The following FER1L5 variants were observed in gnomAD, a reference collection of about 807,000 sequenced individuals.
FER1L5 encodes the protein fer-1-like protein 5.
FER1L5 carries 187 observed loss-of-function variants against 279.9 expected under a neutral mutation model. The observed-to-expected ratio is 0.67, with a 90% CI of 0.59 to 0.75. The LOEUF (loss-of-function observed/expected upper bound fraction) is 0.75. FER1L5 is among the 30% of genes least tolerant of loss of function. The pLI is 0.00. For missense variants in FER1L5, 2,091 were observed against 2,594.4 expected (o/e 0.81, Z 4.21); for synonymous variants, 921 against 989.7 (o/e 0.93, Z 1.30).
chr2:96,693,627 A>G lies in FER1L5; in HGVS notation c.3414A>G (p.Pro1138=), dbSNP rs61750875. 0.089 allele frequency: 137,816 copies of G among 1,551,502 alleles called. 11,556 individuals are homozygous for G. The highest frequency in any genetic ancestry group is 0.44 in the African/African-American group (32,205 of 73,074). Residue 1138 remains proline, a synonymous_variant, in exon 32 of 53, where the codon CCA becomes CCG. Transcript: ENST00000624922. ...IFQHLLLYEN[P]QDTKESPPLV... is the part of the protein sequence containing the mutation. ...AGCACCTCCTTCTGTACGAGAACCC[A>G]CAGGACACCAAAGAGAGCCCACCGC... is the stretch of plus-strand genomic sequence containing the variant.
At chr2:96,653,733 G>A (rs2075478979) in intron 8 of FER1L5, 31 bp downstream of exon 8, 2 of 1,529,826 alleles carry the variant, frequency 1.3e-6, no homozygotes, top group East Asian at 4.9e-5. Flanking sequence ...CCAGCAAGGT[G>A]GGTTTCTTGT....
intron 9 of FER1L5, among the ~76,000 whole-genome samples, chr2:96,659,295 T>TTCCTTCCC (rs2075739428): frequency 4.6e-5 from 1 of 21,974 alleles, no homozygotes. Context: ...CAAGCTTTCC[T>TTCCTTCCC]TCCTTCCTTC....
chr2:96,690,347 G>A, intron 26 of FER1L5, 140 bp from the exon 27 acceptor site: 5 of 691,308 alleles, frequency 7.2e-6, no homozygotes, highest in Middle Eastern at 3.9e-4. Flanking sequence ...GGTGGTATGA[G>A]GTGTGGCAAG....
At position 96,689,878 on chromosome 2, in the gene FER1L5, G is replaced by T; in HGVS notation, c.2640+120G>T. ...GCCCTATGCCCTGCACTATGTGTGG[G>T]GCCCCGGGTGAGCGCACCAGCCCTC... is the stretch of plus-strand genomic sequence containing the variant. On this transcript the variant is annotated intron_variant, in intron 26 of 52. Transcript: ENST00000624922. This position sits in a 1 kb window ranked among gnomAD's most constrained non-coding sequence, Gnocchi z 4.6. 1 of 813,318 alleles carries T rather than the reference G, an allele frequency of 1.2e-6. No individual in the cohort carries two copies. 50.4% of individuals were successfully genotyped at this position (813,318 alleles called of 1,614,324 possible).
rs1179144381 is a variant in FER1L5, at chr2:96,646,404, T to C, written c.89T>C (p.Ile30Thr). 3 of 1,551,642 alleles carry C rather than the reference T, an allele frequency of 1.9e-6. No homozygotes were observed. The highest frequency in any genetic ancestry group is 2.6e-6 in the Non-Finnish European group (3 of 1,146,930). Residue 30 changes from isoleucine to threonine, a missense_variant, in exon 2 of 53, where the codon ATC (isoleucine) becomes ACC (threonine). Ile to Thr is a moderately conservative substitution (Grantham distance 89). Transcript: ENST00000624922. Reference protein sequence around the residue: ...RPCMSIDFRDIKKRTRVVEGN... With the variant: ...RPCMSIDFRDTKKRTRVVEGN... The stretch of plus-strand genomic sequence containing the variant: ...CAGCCTCTTGGTTTCTTTGCAGATA[T>C]CAAGAAAAGAACTCGTGTGGTGGAA...
In FER1L5 at chr2:96,695,248, G is replaced by A. The variant is rs1438892926; in HGVS notation, c.3742-261G>A. On this transcript the variant is annotated intron_variant, in intron 34 of 52. Coordinates refer to ENST00000624922, the MANE Select transcript of FER1L5 (RefSeq NM_001293083.2). ...CCTGCGGGCTATGGAGGTCAGTGGA[G>A]GATGCAGCCAGTGGCCAGAGGTCAC... The A allele has an allele frequency of 1.1e-5, 5 of 468,042 alleles. 1 individual carries two copies. The highest frequency in any genetic ancestry group is 1.5e-5 in the Non-Finnish European group (4 of 267,114). 29.0% of individuals were successfully genotyped at this position (468,042 alleles called of 1,614,324 possible).
intron 24 of FER1L5, among the ~76,000 whole-genome samples, chr2:96,688,373 C>T (rs1553459809): frequency 6.6e-6 from 1 of 152,204 alleles, no homozygotes; most frequent in Non-Finnish European, 1.5e-5. Context: ...GGGACCCCTG[C>T]AGGCCCCAGT....
At chr2:96,688,399 G>A (rs2077015286) in intron 24 of FER1L5, among the ~76,000 whole-genome samples, 1 of 152,172 alleles carries the variant, frequency 6.6e-6, no homozygotes, top group Non-Finnish European at 1.5e-5. Context: ...CCCAGGAGGT[G>A]AAGGCCTAGA....
intron 19 of FER1L5, among the ~76,000 whole-genome samples, chr2:96,680,818 G>A (rs867572182): frequency 2.0e-5 from 3 of 152,022 alleles, no homozygotes; most frequent in Non-Finnish European, 4.4e-5. Context: ...AGGCCCCTGT[G>A]CCCACCCCAC....
chr2:96,656,099 G>A (rs1359082633), intron 9 of FER1L5, among the ~76,000 whole-genome samples: 3 of 152,210 alleles, frequency 2.0e-5, no homozygotes, highest in African/African-American at 7.2e-5. Flanking sequence ...AGTCAATTGT[G>A]TTTTACCTAC....
rs1558827144 is a variant in FER1L5, at chr2:96,642,887, A to G, written c.51A>G (p.Pro17=). Residue 17 remains proline (P), a synonymous_variant, in exon 1 of 53, where the codon CCA becomes CCG. Transcript: ENST00000624922. ...CCAAGATTGACCCACCACTAGCCCC[A>G]CTACCCAGGCCCTGCATGTCCATCG... is the stretch of plus-strand genomic sequence containing the variant. ...QSAKIDPPLA[P]LPRPCMSIDF... 2 of 1,551,234 alleles carry G rather than the reference A, an allele frequency of 1.3e-6. No homozygotes were observed. The highest frequency in any genetic ancestry group is 1.7e-6 in the Non-Finnish European group (2 of 1,146,780).
intron 14 of FER1L5, among the ~76,000 whole-genome samples, chr2:96,667,579 T>G (rs113304159): frequency 0.075 from 11,493 of 152,228 alleles, 832 homozygotes; most frequent in African/African-American, 0.19. Context: ...ACTCCTGACC[T>G]CAGGTGATCT....
At chr2:96,693,101 A>G (rs2077221232) in intron 31 of FER1L5, among the ~76,000 whole-genome samples, 1 of 151,538 alleles carries the variant, frequency 6.6e-6, no homozygotes, top group African/African-American at 2.4e-5. Context: ...GCTTGAACCC[A>G]GGAGGCAGAG....
At position 96,649,678 on chromosome 2, in the gene FER1L5, GTATGTCCT is replaced by G. The variant is rs1234618983; in HGVS notation, c.394+3_394+10del. Reference sequence around the variant, plus strand: ...AGCAACCAGGATATTGAGAAGACAGGTATGTCCTTCCCTGGAGCTTACCCTTAAGGGCC... The same window carrying G: ...AGCAACCAGGATATTGAGAAGACAGGTCCCTGGAGCTTACCCTTAAGGGCC... On this transcript the variant is annotated splice_donor_variant and splice_donor_5th_base_variant and intron_variant, in intron 5 of 52. Transcript: ENST00000624922. LOFTEE classifies it high-confidence loss of function. 1.3e-6 allele frequency: 2 copies of G among 1,551,556 alleles called. No homozygotes were observed. Among genetic ancestry groups the G allele is most frequent in the Admixed American group, 3.9e-5 (2 of 50,990 alleles).
At chr2:96,658,331 T>C (rs1398932899) in intron 9 of FER1L5, among the ~76,000 whole-genome samples, 1 of 151,256 alleles carries the variant, frequency 6.6e-6, no homozygotes, top group African/African-American at 2.4e-5. Flanking sequence ...TTTTTTTTTT[T>C]TTTGAGACAG....
In FER1L5 at chr2:96,690,570, C is replaced by T; in HGVS notation, c.2724C>T (p.Asn908=). The T allele has an allele frequency of 6.4e-7, 1 of 1,551,692 alleles. No homozygotes were observed. Among genetic ancestry groups the T allele is most frequent in the Non-Finnish European group, 8.7e-7 (1 of 1,146,986 alleles). The change falls in exon 27 of 53, where the codon AAC becomes AAT. Residue 908 remains asparagine, a synonymous_variant. Transcript: ENST00000624922. ...HFKKDWVVEL[N]HAVDSKGWEY... The stretch of plus-strand genomic sequence containing the variant: ...AGAAGGACTGGGTGGTGGAGCTGAA[C>T]CACGCAGTGGACAGTAAGGGTCAGT...
Position 96,689,764 on chromosome 2 carries a change from C to T in FER1L5, c.2640+6C>T, listed in dbSNP as rs1389505352. The T allele has an allele frequency of 6.5e-7, 1 of 1,543,882 alleles. No individual in the cohort carries two copies. The highest frequency in any genetic ancestry group is 1.2e-5 in the South Asian group (1 of 83,194). On this transcript the variant is annotated splice_donor_region_variant and intron_variant, in intron 26 of 52. Coordinates refer to ENST00000624922, the MANE Select transcript of FER1L5 (RefSeq NM_001293083.2). This position sits in a 1 kb window ranked among gnomAD's most constrained non-coding sequence, Gnocchi z 4.6. The stretch of plus-strand genomic sequence containing the variant: ...CCATCCCAAACACAGACGTGGTGAG[C>T]AGGGCCGAAGCTGCCTCGGGTTAGG...
chr2:96,691,997 C>T lies in FER1L5; in HGVS notation c.3214+34C>T. The stretch of plus-strand genomic sequence containing the variant: ...TGACTTGGGAGTCTACTTGAATGGC[C>T]CCAGAGGCCAGTACCCGAGGGCGGG... On this transcript the variant is annotated intron_variant, in intron 30 of 52. Coordinates refer to ENST00000624922, the MANE Select transcript of FER1L5 (RefSeq NM_001293083.2). The surrounding 1 kb of genome is among the most constrained non-coding windows in gnomAD (Gnocchi z 6.0). 6.5e-7 allele frequency: 1 copy of T among 1,541,734 alleles called. No individual in the cohort carries two copies. The highest frequency in any genetic ancestry group is 1.2e-5 in the South Asian group (1 of 83,134).
intron 3 of FER1L5, among the ~76,000 whole-genome samples, 194 bp from the exon 4 acceptor site, chr2:96,647,584 C>T (rs2075189605): frequency 6.6e-6 from 1 of 152,176 alleles, no homozygotes. Flanking sequence ...CCTCGGAGCC[C>T]CAAGACAGTT....
Sources: allele counts gnomAD v4.1 joint callset (sites outside exome capture counted in the v4.1 genomes callset), GRCh38; gene constraint gnomAD v4.1.1; non-coding constraint Gnocchi (gnomAD v3.1); transcripts MANE v1.5; gene names NCBI Gene and HGNC (gene_info 2026-07-23, HGNC 2026-07-21).